CRTAC1: variants seen among roughly 807,000 people sequenced by gnomAD.
CRTAC1 encodes acidic secreted protein in cartilage.
Under a neutral mutation model 67.8 loss-of-function variants are expected in CRTAC1, and 37 were observed. The observed-to-expected ratio is 0.55, with a 90% confidence interval of 0.42 to 0.72. The LOEUF is 0.72. CRTAC1 is among the 30% of genes least tolerant of loss of function. The pLI is 0.00. For synonymous variants in CRTAC1, 348 were observed against 371.0 expected, an observed-to-expected ratio of 0.94 and a Z score of 0.71; for missense variants, 780 against 931.6, an observed-to-expected ratio of 0.84 and a Z score of 2.12.
chr10:98,015,849 TA>T (rs1473147722), intron 1 of CRTAC1, among the ~76,000 whole-genome samples: 2 of 152,176 alleles, frequency 1.3e-5, no homozygotes, highest in African/African-American at 4.8e-5. Context: ...TATTGGTCCA[TA>T]AACTACACAT....
chr10:97,976,459 T>A (rs1410698562), intron 2 of CRTAC1, among the ~76,000 whole-genome samples: 2 of 152,126 alleles, frequency 1.3e-5, no homozygotes, highest in African/African-American at 4.8e-5. Flanking sequence ...TCAAACCTCA[T>A]GGGGTTAAAG....
chr10:97,953,740 G>A (rs1358233274), intron 2 of CRTAC1, among the ~76,000 whole-genome samples: 1 of 152,128 alleles, frequency 6.6e-6, no homozygotes, highest in East Asian at 1.9e-4. Flanking sequence ...GAAAATGTAG[G>A]GCTGGACTTT....
intron 2 of CRTAC1, among the ~76,000 whole-genome samples, chr10:97,946,264 T>G (rs1431910826): frequency 6.6e-6 from 1 of 152,258 alleles, no homozygotes; most frequent in Admixed American, 6.5e-5. Flanking sequence ...ATGTCCAAAC[T>G]GCAGGAACAG....
chr10:97,948,903 G>A (rs548750674), intron 2 of CRTAC1, among the ~76,000 whole-genome samples: 2 of 152,136 alleles, frequency 1.3e-5, no homozygotes, highest in African/African-American at 4.8e-5. Context: ...AGCAAGGAGT[G>A]GGGGAAAGCC....
chr10:97,879,026 G>A (rs1418571103), intron 14 of CRTAC1, among the ~76,000 whole-genome samples: 2 of 152,272 alleles, frequency 1.3e-5, no homozygotes, highest in East Asian at 3.9e-4. Flanking sequence ...CATGGTGGAA[G>A]GGCTGCTCCT....
intron 11 of CRTAC1, among the ~76,000 whole-genome samples, chr10:97,885,592 G>C (rs1270302320): frequency 6.6e-6 from 1 of 152,246 alleles, no homozygotes; most frequent in Non-Finnish European, 1.5e-5. Flanking sequence ...CCCCGCGTAA[G>C]GAAACAGGCC....
intron 11 of CRTAC1, among the ~76,000 whole-genome samples, chr10:97,886,302 C>T (rs1419546271): frequency 6.6e-6 from 1 of 152,260 alleles, no homozygotes; most frequent in Non-Finnish European, 1.5e-5. Context: ...ACATCCCAGC[C>T]TTGCTGCTGC....
chr10:97,939,970 A>G (rs2136618646), intron 2 of CRTAC1, among the ~76,000 whole-genome samples: 1 of 152,310 alleles, frequency 6.6e-6, no homozygotes, highest in South Asian at 2.1e-4. Flanking sequence ...AAGCATGTGG[A>G]GTGGATGCAT....
chr10:97,901,508 G>A lies in CRTAC1; in HGVS notation c.1128C>T (p.Leu376=). The A allele has an allele frequency of 6.2e-7, 1 of 1,614,152 alleles. No individual in the cohort carries two copies. ...IAYRSSSANR[L]FRVIRREHGD... Reference sequence around the variant, plus strand: ...AGCCAGGATGGAGCATCTACCGGAAGAGGCGGTTGGCTGAGGAGCTGCGGT... The same window carrying A: ...AGCCAGGATGGAGCATCTACCGGAAAAGGCGGTTGGCTGAGGAGCTGCGGT... The change falls in exon 8 of 15, where the codon CTC becomes CTT. Residue 376 remains leucine (L), a synonymous_variant. Transcript: ENST00000370597.
In CRTAC1 at chr10:97,895,598, G is replaced by A. The variant is rs966275012; in HGVS notation, c.1318-185C>T. On this transcript the variant is annotated intron_variant, in intron 10 of 14. Coordinates refer to ENST00000370597, the MANE Select transcript of CRTAC1 (RefSeq NM_018058.7). This position sits in a 1 kb window ranked among gnomAD's most constrained non-coding sequence, Gnocchi z 4.2. ...TGAATGAGGCGAAGACAGATTGGCT[G>A]AATGAAGGAGAGGCACTGCAGACAG... Among the ~76,000 whole-genome samples, 6 of 152,202 alleles carry A rather than the reference G, an allele frequency of 3.9e-5. No individual in the cohort carries two copies. The highest frequency in any genetic ancestry group is 1.4e-4 in the African/African-American group (6 of 41,460).
chr10:97,977,627 T>G (rs1282664815), intron 2 of CRTAC1, among the ~76,000 whole-genome samples: 1 of 152,016 alleles, frequency 6.6e-6, no homozygotes, highest in Non-Finnish European at 1.5e-5. Context: ...GGGAGAACCC[T>G]GGGGAGGGAC....
chr10:97,955,279 A>G (rs942916024), intron 2 of CRTAC1, among the ~76,000 whole-genome samples: 12 of 152,304 alleles, frequency 7.9e-5, no homozygotes, highest in African/African-American at 2.9e-4. Flanking sequence ...GAAGAGGGGG[A>G]GAAAGAGACG....
chr10:97,994,540 A>C (rs1842519536), intron 2 of CRTAC1, among the ~76,000 whole-genome samples: 1 of 152,144 alleles, frequency 6.6e-6, no homozygotes. Flanking sequence ...GGACGCATAG[A>C]TCTGTGGACC....
chr10:98,011,257 G>A lies in CRTAC1; in HGVS notation c.105C>T (p.Phe35=), dbSNP rs138796430. The A allele has an allele frequency of 5.0e-6, 8 of 1,614,100 alleles. No homozygotes were observed. In the African/African-American group the frequency reaches 1.1e-4, roughly 22 times the overall value. The part of the protein sequence containing the change: ...TEGSQRAEPM[F]TAVTNSVLPP... Reference sequence around the variant, plus strand: ...GCAGAACTGAGTTGGTGACTGCAGTGAACATGGGTTCAGCCCGCTGGGACC... The same window carrying A: ...GCAGAACTGAGTTGGTGACTGCAGTAAACATGGGTTCAGCCCGCTGGGACC... The change falls in exon 2 of 15, where the codon TTC becomes TTT. Residue 35 remains phenylalanine (F), a synonymous_variant. Transcript: ENST00000370597.
At chr10:97,935,709 GT>G (rs1564902057) in intron 3 of CRTAC1, among the ~76,000 whole-genome samples, 1 of 152,216 alleles carries the variant, frequency 6.6e-6, no homozygotes, top group Non-Finnish European at 1.5e-5. Flanking sequence ...GCTGAGAGTA[GT>G]GGGGGGCTCC....
At chr10:97,870,304 G>A (rs1470777120) in intron 14 of CRTAC1, 1 of 152,102 alleles carries the variant, frequency 6.6e-6, no homozygotes, top group Non-Finnish European at 1.5e-5. Flanking sequence ...AAATGCCTGA[G>A]ACCTGAATAA....
chr10:97,990,794 T>A (rs1475377518), intron 2 of CRTAC1, among the ~76,000 whole-genome samples: 1 of 152,134 alleles, frequency 6.6e-6, no homozygotes, highest in Non-Finnish European at 1.5e-5. Flanking sequence ...TAAGAGCTGA[T>A]GAATATAATA....
intron 1 of CRTAC1, among the ~76,000 whole-genome samples, chr10:98,024,750 T>TA (rs1843191413): frequency 1.2e-5 from 1 of 84,988 alleles, no homozygotes; most frequent in African/African-American, 4.6e-5. Flanking sequence ...ATTATCCTTT[T>TA]TTTTTTTTTT....
At chr10:97,978,150 G>A (rs147979553) in intron 2 of CRTAC1, among the ~76,000 whole-genome samples, 19 of 152,256 alleles carry the variant, frequency 1.2e-4, no homozygotes, top group East Asian at 5.8e-4. Context: ...ACTTTGCTAC[G>A]CAAAGTGTGG....
Sources: gnomAD v4.1 joint callset for allele counts (sites outside exome capture counted in the v4.1 genomes callset) on GRCh38, gnomAD v4.1.1 for gene constraint, Gnocchi (gnomAD v3.1) non-coding constraint, MANE v1.5 for transcripts, NCBI Gene and HGNC (gene_info 2026-07-23, HGNC 2026-07-21) for gene names.